The following RGS3 variants were observed in gnomAD, a reference collection of about 807,000 sequenced individuals.
RGS3 encodes regulator of G protein signaling 3.
A neutral mutation model predicts 132.6 loss-of-function variants in RGS3; 80 were observed. The ratio of observed to expected loss-of-function variants is 0.60; its 90% CI spans 0.50 to 0.73. RGS3 has a LOEUF of 0.73. Ranked by LOEUF, RGS3 falls within the 30% of genes least tolerant of loss-of-function variation. RGS3 has a pLI of 0.00. For synonymous variants in RGS3, 598 were observed against 620.6 expected (o/e 0.96, Z 0.54); for missense variants, 1,382 against 1,530.8 (o/e 0.90, Z 1.62).
chr9:113,514,921 G>A (rs1465448260), intron 15 of RGS3, among the ~76,000 whole-genome samples: 1 of 152,074 alleles, frequency 6.6e-6, no homozygotes, highest in Non-Finnish European at 1.5e-5. Context: ...CTTTCTCTGG[G>A]GAAAGGGCAG....
At chr9:113,500,625 C>T (rs904394275) in intron 10 of RGS3, among the ~76,000 whole-genome samples, 1 of 151,992 alleles carries the variant, frequency 6.6e-6, no homozygotes, top group Non-Finnish European at 1.5e-5. Flanking sequence ...ACTTTATGGT[C>T]CATGTGTATC....
Position 113,507,512 on chromosome 9 carries a change from C to T in RGS3, c.1311C>T (p.Gly437=), listed in dbSNP as rs375183428. ...ACAGCTCTGATGGGCTGCTGCTCGG[C>T]GGCTGGGAGCGCTACACCGAGGTGG... The change falls in exon 13 of 25, where the codon GGC becomes GGT. Residue 437 remains glycine (G), a synonymous_variant. Transcript: ENST00000350696. The surrounding 1 kb of genome is among the most constrained non-coding windows in gnomAD (Gnocchi z 5.0). 1.2e-4 allele frequency: 195 copies of T among 1,608,764 alleles called. 1 individual carries two copies. Among genetic ancestry groups the T allele is most frequent in the African/African-American group, 6.4e-4 (48 of 75,014 alleles).
At chr9:113,542,114 G>C (rs1007129132) in intron 19 of RGS3, 1 of 154,036 alleles carries the variant, frequency 6.5e-6, no homozygotes, top group African/African-American at 2.4e-5. Context: ...TGCTGTGTGT[G>C]GGGGTGGGGA....
chr9:113,523,354 A>T (rs558166068), intron 17 of RGS3, among the ~76,000 whole-genome samples: 1 of 152,252 alleles, frequency 6.6e-6, no homozygotes, highest in African/African-American at 2.4e-5. Context: ...CCATACTGGG[A>T]TGACTGTGGG....
rs557484546 is a variant in RGS3 at position 113,447,319 on chromosome 9, G to GTATATATATATA, written c.-13+2395_-13+2396insATATATATATAT. ...AGGGTGTAAACCAATAAATTCTGAT[G>GTATATATATATA]TATGTATATGTATATATATATATAT... On this transcript the variant is annotated intron_variant, in intron 1 of 25. Transcript: ENST00000374140. 9.4e-3 allele frequency among the ~76,000 whole-genome samples: 205 copies of GTATATATATATA among 21,802 alleles called. 7 individuals carry two copies. The highest frequency in any genetic ancestry group is 0.054 in the South Asian group (9 of 166). The allele number at this position is 21,802 out of a possible 152,430, so 14.3% of individuals were successfully genotyped here.
At chr9:113,446,456 AT>A (rs776478181) in intron 1 of RGS3, among the ~76,000 whole-genome samples, 30 of 152,364 alleles carry the variant, frequency 2.0e-4, no homozygotes, top group Admixed American at 9.2e-4. Context: ...CATTATGAAA[AT>A]GACATGCTTT....
At chr9:113,549,112 C>T (rs1165410685) in intron 19 of RGS3, among the ~76,000 whole-genome samples, 1 of 152,232 alleles carries the variant, frequency 6.6e-6, no homozygotes, top group African/African-American at 2.4e-5. Context: ...TTCCCTGCCC[C>T]TCCCCAGGAA....
At chr9:113,529,145 G>A in intron 17 of RGS3, 76 bp from the exon 16 acceptor site, 2 of 1,138,890 alleles carry the variant, frequency 1.8e-6, no homozygotes, top group Non-Finnish European at 1.3e-6. Flanking sequence ...GGGCAAGACA[G>A]CTGACTGTGC....
chr9:113,479,710 A>G (rs888649470), intron 4 of RGS3, among the ~76,000 whole-genome samples, 169 bp downstream of exon 2: 1 of 152,168 alleles, frequency 6.6e-6, no homozygotes, highest in Non-Finnish European at 1.5e-5. Flanking sequence ...GGCTCTTTCT[A>G]TAGAGCAGCC....
intron 3 of RGS3, among the ~76,000 whole-genome samples, chr9:113,476,478 G>T (rs979326424): frequency 1.3e-5 from 2 of 152,204 alleles, no homozygotes; most frequent in African/African-American, 4.8e-5. Context: ...GTGAACTGGG[G>T]CAGGTGTGTC....
At chr9:113,472,069 T>G (rs1365966811) in intron 3 of RGS3, among the ~76,000 whole-genome samples, 3 of 151,988 alleles carry the variant, frequency 2.0e-5, no homozygotes, top group Admixed American at 2.0e-4. Context: ...AAAACCACAA[T>G]GAGATACTAT....
At position 113,493,222 on chromosome 9, in the gene RGS3, G is replaced by T. The variant is rs1195796158; in HGVS notation, c.690-2564G>T. Among the ~76,000 whole-genome samples, 3 of 152,364 alleles carry T rather than the reference G, an allele frequency of 2.0e-5. No homozygotes were observed. In the East Asian group the frequency reaches 5.8e-4, roughly 29 times the overall value. On this transcript the variant is annotated intron_variant, in intron 7 of 24. Transcript: ENST00000350696. The stretch of plus-strand genomic sequence containing the variant: ...AACTGCCTCCTATTAGTGCTGACTT[G>T]GCTACTTCCCAAGGGGGAGGAGTAT...
At chr9:113,546,064 C>T (rs551673568) in intron 19 of RGS3, among the ~76,000 whole-genome samples, 11 of 152,202 alleles carry the variant, frequency 7.2e-5, no homozygotes, top group Non-Finnish European at 1.3e-4. Flanking sequence ...TTGTGGGAGG[C>T]CACTGTCTTC....
In RGS3 at chr9:113,591,563, C is replaced by A. The variant is rs995879595; in HGVS notation, c.3080+166C>A. 16 of 642,328 alleles carry A rather than the reference C, an allele frequency of 2.5e-5. No homozygotes were observed. The highest frequency in any genetic ancestry group is 5.5e-5 in the African/African-American group (3 of 54,524). The allele number at this position is 642,328 out of a possible 1,614,324, so 39.8% of individuals were successfully genotyped here. A position where few individuals can be genotyped will look rare whatever the true frequency, so the allele number is the denominator to read the frequency against. On this transcript the variant is annotated intron_variant, in intron 21 of 24. Coordinates refer to ENST00000350696, the Ensembl canonical transcript of RGS3. This position sits in a 1 kb window ranked among gnomAD's most constrained non-coding sequence, Gnocchi z 4.4. Reference sequence around the variant, plus strand: ...GGATCTTGGAACTTTGCAGTGACCCCAAAGTGGGGTCACCTGGGTCCTGAG... The same window carrying A: ...GGATCTTGGAACTTTGCAGTGACCCAAAAGTGGGGTCACCTGGGTCCTGAG...
intron 10 of RGS3, chr9:113,503,515 G>A (rs923559786): frequency 6.6e-6 from 1 of 152,286 alleles, no homozygotes; most frequent in African/African-American, 2.4e-5. Flanking sequence ...GCCCAGGAGG[G>A]TGAGGGGCCC....
Position 113,569,939 on chromosome 9 carries a change from C to T in RGS3, c.2038-13511C>T, listed in dbSNP as rs558136233. On this transcript the variant is annotated intron_variant, in intron 19 of 24. Transcript: ENST00000350696. ...GAGCAGGTCTCCATCCCAGTCTATC[C>T]ACCCCTCAGAGGTGTAGACATGTTT... Among the ~76,000 whole-genome samples the T allele has an allele frequency of 5.7e-4, 87 of 152,252 alleles. 1 individual carries two copies. The highest frequency in any genetic ancestry group is 1.8e-3 in the African/African-American group (75 of 41,536).
intron 23 of RGS3, 164 bp downstream of exon 21, chr9:113,595,144 G>T: frequency 1.5e-6 from 1 of 668,280 alleles, no homozygotes. Context: ...GAGGCCCTTG[G>T]TCTGGCCTTG....
At chr9:113,575,123 G>A (rs991647083) in intron 19 of RGS3, among the ~76,000 whole-genome samples, 7 of 152,298 alleles carry the variant, frequency 4.6e-5, no homozygotes, top group South Asian at 2.1e-4. Context: ...CCGCCTCCCC[G>A]CCCTGGGAGA....
At chr9:113,456,140 C>G (rs1345482921), upstream of RGS3, among the ~76,000 whole-genome samples, 1 of 152,192 alleles carries the variant, frequency 6.6e-6, no homozygotes, top group Non-Finnish European at 1.5e-5. Flanking sequence ...TCAGGCCTTT[C>G]TTCCTCTGCC....
Sources: allele counts gnomAD v4.1 joint callset (sites outside exome capture counted in the v4.1 genomes callset), GRCh38; gene constraint gnomAD v4.1.1; non-coding constraint Gnocchi (gnomAD v3.1); transcripts MANE v1.5; gene names NCBI Gene and HGNC (gene_info 2026-07-23, HGNC 2026-07-21).